DPYD: variants seen among roughly 807,000 people sequenced by gnomAD.
DPYD encodes dihydropyrimidine dehydrogenase, also known as dihydropyrimidine dehydrogenase [NADP(+)].
Under a neutral mutation model 116.2 loss-of-function variants are expected in DPYD, and 109 were observed. The ratio of observed to expected loss-of-function variants is 0.94; its 90% CI spans 0.80 to 1.10. The LOEUF (loss-of-function observed/expected upper bound fraction) is 1.10, where lower values mean the gene tolerates loss of function less well. Ranked by LOEUF, DPYD falls within the 50% of genes least tolerant of loss-of-function variation. DPYD has a pLI of 0.00. For synonymous variants in DPYD, 440 were observed against 432.0 expected (o/e 1.02, Z -0.23); for missense variants, 1,302 against 1,254.5 (o/e 1.04, Z -0.57).
Position 97,193,149 on chromosome 1 carries a change from C to A in DPYD, c.2542G>T (p.Asp848Tyr). 2 of 1,614,038 alleles carry A rather than the reference C, an allele frequency of 1.2e-6. No homozygotes were observed. Among genetic ancestry groups the A allele is most frequent in the Non-Finnish European group, 1.7e-6 (2 of 1,179,958 alleles). Residue 848 changes from aspartate (D) to tyrosine (Y), a missense_variant, in exon 20 of 23, where the codon GAC (aspartate) becomes TAC (tyrosine). Physicochemically the swap from Asp to Tyr is radical, Grantham distance 160. Coordinates refer to ENST00000370192, the MANE Select transcript of DPYD (RefSeq NM_000110.4). Reference sequence around the variant, plus strand: ...GTAGCTGGACTCTGTCCATCCCAGTCTTGTAGTTCTTCAATGCTTTTCAGA... The same window carrying A: ...GTAGCTGGACTCTGTCCATCCCAGTATTGTAGTTCTTCAATGCTTTTCAGA... ...LYLKSIEELQDWDGQSPATVS... is the reference protein window; with the variant it reads ...LYLKSIEELQYWDGQSPATVS...
chr1:97,757,559 C>T (rs1294052977), intron 3 of DPYD, among the ~76,000 whole-genome samples: 3 of 152,080 alleles, frequency 2.0e-5, no homozygotes, highest in South Asian at 2.1e-4. Context: ...ACAAAGATAA[C>T]GATGCCATTG....
intron 19 of DPYD, among the ~76,000 whole-genome samples, chr1:97,211,783 C>T (rs895905069): frequency 2.6e-5 from 4 of 152,050 alleles, no homozygotes; most frequent in Non-Finnish European, 5.9e-5. Flanking sequence ...CTTATTTAAA[C>T]GTGCTTATTT....
At chr1:97,289,732 T>C (rs905792522) in intron 18 of DPYD, among the ~76,000 whole-genome samples, 5 of 152,098 alleles carry the variant, frequency 3.3e-5, no homozygotes, top group Non-Finnish European at 7.3e-5. Context: ...GCCAATATCA[T>C]ACTGAATGGG....
rs1650425226 is a variant in DPYD, at chr1:97,541,178, T to C, written c.1524+8382A>G. ...ATACCTACGAAATTTCTGCTTTTAT[T>C]AGTTGAGTTGTCTACTTATCAAGAG... On this transcript the variant is annotated intron_variant, in intron 12 of 22. Transcript: ENST00000370192. Among the ~76,000 whole-genome samples, 10 of 152,320 alleles carry C rather than the reference T, an allele frequency of 6.6e-5. 1 individual carries two copies. The South Asian group carries it at 2.1e-3, about 32-fold the overall frequency.
intron 18 of DPYD, among the ~76,000 whole-genome samples, chr1:97,281,933 T>G (rs1413123657): frequency 6.6e-6 from 1 of 152,162 alleles, no homozygotes; most frequent in Non-Finnish European, 1.5e-5. Flanking sequence ...TCACCATTGC[T>G]TCACTTTGCA....
intron 11 of DPYD, among the ~76,000 whole-genome samples, chr1:97,565,098 CT>C (rs762550600): frequency 2.0e-4 from 30 of 152,192 alleles, no homozygotes; most frequent in African/African-American, 7.2e-4. Flanking sequence ...TCAGTCGCCC[CT>C]GATACTGAAA....
At chr1:97,219,503 G>A (rs1333015695) in intron 19 of DPYD, among the ~76,000 whole-genome samples, 2 of 152,038 alleles carry the variant, frequency 1.3e-5, no homozygotes, top group Non-Finnish European at 2.9e-5. Flanking sequence ...TTGGAGACAC[G>A]TTTCCTCTAG....
intron 14 of DPYD, among the ~76,000 whole-genome samples, chr1:97,422,382 G>A (rs1047548505): frequency 1.3e-5 from 2 of 152,074 alleles, no homozygotes; most frequent in African/African-American, 4.8e-5. Flanking sequence ...AAATGACTTT[G>A]AATTAGAAAG....
At chr1:97,552,013 AAC>A (rs960436514) in intron 11 of DPYD, among the ~76,000 whole-genome samples, 1 of 152,078 alleles carries the variant, frequency 6.6e-6, no homozygotes, top group African/African-American at 2.4e-5. Flanking sequence ...TATTTTCTAT[AAC>A]AGACTTAAGA....
At chr1:97,219,836 A>G (rs1164511679) in intron 19 of DPYD, among the ~76,000 whole-genome samples, 2 of 152,118 alleles carry the variant, frequency 1.3e-5, no homozygotes, top group African/African-American at 4.8e-5. Flanking sequence ...AATAACATCT[A>G]AAATCGTTAT....
rs547520240 is a variant in DPYD, at chr1:97,345,926, G to T, written c.2058+27635C>A. ...TTTTACAAGACTTTCCCAACATGTT[G>T]CAAGAACTGTAAAAATAGGTTTAAA... On this transcript the variant is annotated intron_variant, in intron 16 of 22. Transcript: ENST00000370192. Among the ~76,000 whole-genome samples, 4 of 151,876 alleles carry T rather than the reference G, an allele frequency of 2.6e-5. No individual in the cohort carries two copies. The South Asian group carries it at 8.3e-4, about 32-fold the overall frequency.
intron 20 of DPYD, among the ~76,000 whole-genome samples, chr1:97,191,035 G>A (rs1039990692): frequency 6.6e-6 from 1 of 151,634 alleles, no homozygotes; most frequent in African/African-American, 2.4e-5. Flanking sequence ...GACAATGTGA[G>A]TTATATGCAA....
chr1:97,481,911 C>T (rs1368781597), intron 13 of DPYD, among the ~76,000 whole-genome samples: 1 of 152,148 alleles, frequency 6.6e-6, no homozygotes, highest in African/African-American at 2.4e-5. Context: ...CATATTTAGA[C>T]ACACACATAC....
intron 21 of DPYD, among the ~76,000 whole-genome samples, chr1:97,094,807 A>G (rs1650127112): frequency 6.6e-6 from 1 of 152,158 alleles, no homozygotes; most frequent in Non-Finnish European, 1.5e-5. Context: ...AAGGAAGCAG[A>G]GAGGTGAATA....
intron 2 of DPYD, among the ~76,000 whole-genome samples, chr1:97,866,229 T>C (rs1671370564): frequency 6.6e-6 from 1 of 151,932 alleles, no homozygotes; most frequent in Admixed American, 6.6e-5. Context: ...TTCGGTTCAG[T>C]TGAGAGATGC....
At chr1:97,274,697 C>T (rs746566915) in intron 18 of DPYD, among the ~76,000 whole-genome samples, 1 of 152,120 alleles carries the variant, frequency 6.6e-6, no homozygotes, top group Non-Finnish European at 1.5e-5. Context: ...TCTGCCATTA[C>T]TTTCAATGGC....
intron 3 of DPYD, among the ~76,000 whole-genome samples, chr1:97,791,888 G>A (rs1414853388): frequency 6.6e-6 from 1 of 152,070 alleles, no homozygotes; most frequent in Non-Finnish European, 1.5e-5. Flanking sequence ...TAGAAAGGAA[G>A]TTAGTAATGG....
chr1:97,822,384 AATAT>A (rs200741716), intron 3 of DPYD, among the ~76,000 whole-genome samples: 2,005 of 147,976 alleles, frequency 0.014, 29 homozygotes, highest in Non-Finnish European at 0.022. Context: ...TCTAAATATG[AATAT>A]ATAAATAATA....
At chr1:97,495,827 T>G (rs1379816243) in intron 13 of DPYD, among the ~76,000 whole-genome samples, 1 of 152,126 alleles carries the variant, frequency 6.6e-6, no homozygotes, top group Non-Finnish European at 1.5e-5. Flanking sequence ...TTTAGAATAA[T>G]TAAATAGAAT....
Sources: allele counts gnomAD v4.1 joint callset (sites outside exome capture counted in the v4.1 genomes callset), GRCh38; gene constraint gnomAD v4.1.1; transcripts MANE v1.5; gene names NCBI Gene and HGNC (gene_info 2026-07-23, HGNC 2026-07-21).